Variants in CNTNAP5 observed in about 807,000 individuals in gnomAD.
The protein encoded by CNTNAP5 is contactin-associated protein-like 5.
CNTNAP5 carries 72 observed loss-of-function variants against 150.2 expected under a neutral mutation model. The ratio of observed to expected loss-of-function variants is 0.48; its 90% CI spans 0.40 to 0.58. CNTNAP5 has a LOEUF of 0.58. Ranked by LOEUF, CNTNAP5 falls within the 20% of genes least tolerant of loss-of-function variation. The probability of loss-of-function intolerance (pLI) is 0.00; values close to 1 mark genes in which losing one functional copy is unlikely to be tolerated. For missense variants in CNTNAP5, 1,636 were observed against 1,626.2 expected (o/e 1.01, Z -0.10); for synonymous variants, 672 against 619.8 (o/e 1.08, Z -1.25).
intron 23 of CNTNAP5, among the ~76,000 whole-genome samples, chr2:124,913,659 G>A (rs1251402492): frequency 3.3e-5 from 5 of 152,062 alleles, no homozygotes; most frequent in Non-Finnish European, 5.9e-5. Context: ...TAAGATGTGA[G>A]ATATTTAAGT....
intron 1 of CNTNAP5, among the ~76,000 whole-genome samples, chr2:124,105,397 C>G (rs2104700594): frequency 6.6e-6 from 1 of 152,258 alleles, no homozygotes; most frequent in Non-Finnish European, 1.5e-5. Context: ...GAAAACTTGT[C>G]ATTTTTTGAG....
chr2:124,888,786 T>A (rs546252653), intron 21 of CNTNAP5, among the ~76,000 whole-genome samples: 1 of 152,078 alleles, frequency 6.6e-6, no homozygotes, highest in Admixed American at 6.6e-5. Flanking sequence ...TTTTTTTTAG[T>A]AAGGTTAACT....
At chr2:124,587,556 C>T (rs1366736905) in intron 11 of CNTNAP5, among the ~76,000 whole-genome samples, 1 of 152,122 alleles carries the variant, frequency 6.6e-6, no homozygotes, top group East Asian at 1.9e-4. Flanking sequence ...TTTAAAAGAT[C>T]TCTTATTGCC....
chr2:124,804,239 T>C (rs571327287), intron 19 of CNTNAP5, among the ~76,000 whole-genome samples: 1 of 152,294 alleles, frequency 6.6e-6, no homozygotes, highest in African/African-American at 2.4e-5. Context: ...GGTCACTTTC[T>C]CCTAGGGAAG....
At chr2:124,205,248 C>G (rs1685833068) in intron 1 of CNTNAP5, among the ~76,000 whole-genome samples, 1 of 152,070 alleles carries the variant, frequency 6.6e-6, no homozygotes, top group South Asian at 2.1e-4. Flanking sequence ...AGTGAGTTCT[C>G]ATGAGATCTG....
chr2:124,523,204 C>T (rs982704953), intron 8 of CNTNAP5, among the ~76,000 whole-genome samples: 1 of 152,162 alleles, frequency 6.6e-6, no homozygotes, highest in Admixed American at 6.5e-5. Context: ...ATTCTGCATA[C>T]ACTGCTGGAC....
intron 11 of CNTNAP5, among the ~76,000 whole-genome samples, chr2:124,609,044 G>T (rs188570128): frequency 5.1e-4 from 78 of 152,218 alleles, no homozygotes; most frequent in Admixed American, 4.8e-3. Flanking sequence ...CTCAGGCCCT[G>T]CTGTGATTGT....
chr2:124,372,607 G>C (rs1401658860), intron 3 of CNTNAP5, among the ~76,000 whole-genome samples: 1 of 152,080 alleles, frequency 6.6e-6, no homozygotes, highest in African/African-American at 2.4e-5. Flanking sequence ...GATGAAGCTG[G>C]ACCTATGGAT....
intron 3 of CNTNAP5, among the ~76,000 whole-genome samples, chr2:124,331,452 C>T (rs1387362163): frequency 6.6e-6 from 1 of 151,956 alleles, no homozygotes; most frequent in African/African-American, 2.4e-5. Flanking sequence ...TTTGGCAGTG[C>T]TCTCTATGTA....
chr2:124,727,187 G>T (rs1680174340), intron 13 of CNTNAP5, among the ~76,000 whole-genome samples: 1 of 151,826 alleles, frequency 6.6e-6, no homozygotes, highest in South Asian at 2.1e-4. Context: ...CTGTCCTGTT[G>T]GCCTATATGT....
In CNTNAP5 at chr2:124,383,418, GC is replaced by G. The variant is rs200492979; in HGVS notation, c.382-34023del. On this transcript the variant is annotated intron_variant, in intron 3 of 23. Transcript: ENST00000682447. ...TAGTAGTCTTTTGAGGCCCATTGCA[GC>G]CTGTCTGCACCATGAAACCTTTCCT... 5.2e-3 allele frequency among the ~76,000 whole-genome samples: 796 copies of G among 152,288 alleles called. 10 individuals carry two copies. The highest frequency in any genetic ancestry group is 0.018 in the African/African-American group (764 of 41,552).
At chr2:124,121,266 C>T (rs1349893179) in intron 1 of CNTNAP5, among the ~76,000 whole-genome samples, 2 of 152,116 alleles carry the variant, frequency 1.3e-5, no homozygotes, top group Non-Finnish European at 2.9e-5. Context: ...GTCTTAACTT[C>T]AATTTATTAG....
intron 8 of CNTNAP5, among the ~76,000 whole-genome samples, chr2:124,510,477 G>GTATATATATATATATATATA (rs70996072): frequency 1.9e-5 from 2 of 102,600 alleles, no homozygotes; most frequent in African/African-American, 4.0e-5. Context: ...TTATGTATGT[G>GTATATATATATATATATATA]TATATATATA....
intron 13 of CNTNAP5, among the ~76,000 whole-genome samples, chr2:124,712,227 G>A (rs1267979607): frequency 6.6e-6 from 1 of 152,214 alleles, no homozygotes; most frequent in Non-Finnish European, 1.5e-5. Context: ...TAGCAGTAGT[G>A]TAATCATAAT....
chr2:124,475,115 T>C (rs1693609915), intron 7 of CNTNAP5, among the ~76,000 whole-genome samples: 1 of 152,074 alleles, frequency 6.6e-6, no homozygotes, highest in Non-Finnish European at 1.5e-5. Context: ...CATTTTTTTT[T>C]TTTGACTGTG....
At chr2:124,055,213 C>G (rs1051287423) in intron 1 of CNTNAP5, among the ~76,000 whole-genome samples, 2 of 152,142 alleles carry the variant, frequency 1.3e-5, no homozygotes, top group African/African-American at 4.8e-5. Context: ...GCTTGTGAAG[C>G]CAATGGTGAC....
At chr2:124,317,577 A>T (rs1688998704) in intron 3 of CNTNAP5, among the ~76,000 whole-genome samples, 1 of 152,074 alleles carries the variant, frequency 6.6e-6, no homozygotes, top group Admixed American at 6.6e-5. Flanking sequence ...TCCAAATCTC[A>T]GAATTTTTTT....
At chr2:124,363,580 CAG>C (rs888566963) in intron 3 of CNTNAP5, among the ~76,000 whole-genome samples, 7 of 152,072 alleles carry the variant, frequency 4.6e-5, no homozygotes, top group African/African-American at 1.7e-4. Flanking sequence ...AAAATATAAA[CAG>C]AATTATTTAT....
intron 1 of CNTNAP5, among the ~76,000 whole-genome samples, chr2:124,199,437 C>T (rs186649089): frequency 0.02 from 1,278 of 63,904 alleles, 18 homozygotes; most frequent in African/African-American, 0.056. Flanking sequence ...TTTTTTGAGA[C>T]GGAGTTTCAC....
Sources: allele counts gnomAD v4.1 joint callset (sites outside exome capture counted in the v4.1 genomes callset), GRCh38; gene constraint gnomAD v4.1.1; transcripts MANE v1.5; gene names NCBI Gene and HGNC (gene_info 2026-07-23, HGNC 2026-07-21).